The following DNMT1 variants were observed in gnomAD, a reference collection of about 807,000 sequenced individuals.
The protein encoded by DNMT1 is DNA methyltransferase 1.
Under a neutral mutation model 205.3 loss-of-function variants are expected in DNMT1, and 24 were observed. That is an observed-to-expected ratio of 0.12 (90% CI 0.08 to 0.16). DNMT1 has a LOEUF of 0.16. DNMT1 is among the 10% of genes least tolerant of loss of function. The pLI is 1.00. For synonymous variants in DNMT1, 817 were observed against 839.8 expected (o/e 0.97, Z 0.47); for missense variants, 1,293 against 2,177.7 (o/e 0.59, Z 8.09).
chr19:10,173,113 T>C lies in DNMT1; in HGVS notation c.745A>G (p.Lys249Glu), dbSNP rs528992391. The C allele has an allele frequency of 2.5e-6, 4 of 1,614,156 alleles. No individual in the cohort carries two copies. Among genetic ancestry groups the C allele is most frequent in the South Asian group, 1.1e-5 (1 of 91,084 alleles). Reference protein sequence around the residue: ...ERAKSGTRTEKEEERDEKEEK... With the variant: ...ERAKSGTRTEEEEERDEKEEK... Reference sequence around the variant, plus strand: ...ACTTTTTCATCTCTTTCTTCTTCCTTTTCAGTGCGCGTTCCTGATTTTGCT... The same window carrying C: ...ACTTTTTCATCTCTTTCTTCTTCCTCTTCAGTGCGCGTTCCTGATTTTGCT... Residue 249 changes from lysine (K) to glutamate (E), a missense_variant, in exon 9 of 41, where the codon AAG becomes GAG. Transcript: ENST00000359526.
chr19:10,178,716 T>C (rs2038982901), intron 5 of DNMT1: 1 of 152,012 alleles, frequency 6.6e-6, no homozygotes, highest in Non-Finnish European at 1.5e-5. Flanking sequence ...ATCGTGCCAC[T>C]GGGCAACAGA....
rs749045750 is a variant in DNMT1, at chr19:10,159,687, C to A, written c.1251G>T (p.Ala417=). 1.9e-6 allele frequency: 3 copies of A among 1,614,184 alleles called. No homozygotes were observed. Among genetic ancestry groups the A allele is most frequent in the East Asian group, 2.2e-5 (1 of 44,882 alleles). Residue 417 remains alanine (A), a synonymous_variant, in exon 17 of 41, where the codon GCG becomes GCT. Coordinates refer to ENST00000359526, the MANE Select transcript of DNMT1 (RefSeq NM_001130823.3). The surrounding 1 kb of genome is among the most constrained non-coding windows in gnomAD (Gnocchi z 5.0). ...ANESGFESYE[A]LPQHKLTCFS... is the part of the protein sequence containing the mutation. ...AGCAGGTCAGTTTGTGCTGGGGAAG[C>A]GCCTCATAACTCTCAAAGCCAGACT...
At chr19:10,188,974 C>A (rs1334318103) in intron 1 of DNMT1, among the ~76,000 whole-genome samples, 1 of 152,196 alleles carries the variant, frequency 6.6e-6, no homozygotes, top group Non-Finnish European at 1.5e-5. Flanking sequence ...AGGAATGCAG[C>A]CTGCTTACAC....
At position 10,151,889 on chromosome 19, in the gene DNMT1, G is replaced by A. The variant is rs370864110; in HGVS notation, c.2020-42C>T. 17 of 1,583,324 alleles carry A rather than the reference G, an allele frequency of 1.1e-5. No homozygotes were observed. The African/African-American group carries it at 2.0e-4, about 19-fold the overall frequency. ...AAAAGGCAAATCAGGGCTGGGCACA[G>A]TGGTTCATGCCTGTAATCCCAGTAT... On this transcript the variant is annotated intron_variant, in intron 22 of 40. Transcript: ENST00000359526. This position sits in a 1 kb window ranked among gnomAD's most constrained non-coding sequence, Gnocchi z 5.0.
At chr19:10,179,234 TAA>T (rs1387513564) in intron 5 of DNMT1, among the ~76,000 whole-genome samples, 2 of 150,748 alleles carry the variant, frequency 1.3e-5, no homozygotes, top group Non-Finnish European at 2.9e-5. Flanking sequence ...TTAGAAGGAG[TAA>T]GTATTTGTAG....
rs1237584485 is a variant in DNMT1 at position 10,137,732 on chromosome 19, C to CA, written c.4293+99dup. 1 of 1,478,622 alleles carries CA rather than the reference C, an allele frequency of 6.8e-7. No homozygotes were observed. The highest frequency in any genetic ancestry group is 1.4e-5 in the African/African-American group (1 of 71,754). 91.6% of individuals were successfully genotyped at this position (1,478,622 alleles called of 1,614,324 possible). On this transcript the variant is annotated intron_variant, in intron 36 of 40. Transcript: ENST00000359526. The surrounding 1 kb of genome is among the most constrained non-coding windows in gnomAD (Gnocchi z 6.4). ...GGACTCGGGAGGAGGAGCCTGGGAT[C>CA]AGATTCCATGTCTCCCCTGAGTCTT...
At chr19:10,174,255 T>G (rs1426757299) in intron 7 of DNMT1, among the ~76,000 whole-genome samples, 1 of 151,940 alleles carries the variant, frequency 6.6e-6, no homozygotes, top group Non-Finnish European at 1.5e-5. Flanking sequence ...ACCTCATCTC[T>G]ACAAAAAATA....
intron 17 of DNMT1, among the ~76,000 whole-genome samples, chr19:10,157,992 C>T (rs1001182089): frequency 1.3e-5 from 2 of 152,196 alleles, no homozygotes; most frequent in African/African-American, 2.4e-5. Context: ...GTATGGAGAG[C>T]CCCTAAATAA....
chr19:10,150,550 G>A (rs1420664810), intron 24 of DNMT1, among the ~76,000 whole-genome samples: 1 of 152,242 alleles, frequency 6.6e-6, no homozygotes, highest in African/African-American at 2.4e-5. Context: ...CTGTCCTCCT[G>A]CAGGGGCTCA....
At chr19:10,187,363 G>T (rs1179484072) in intron 1 of DNMT1, among the ~76,000 whole-genome samples, 1 of 152,138 alleles carries the variant, frequency 6.6e-6, no homozygotes, top group Admixed American at 6.6e-5. Context: ...CTACACTCGG[G>T]AAGCCAGGAC....
Position 10,157,555 on chromosome 19 carries a change from G to A in DNMT1, c.1281-1046C>T, listed in dbSNP as rs1483355218. On this transcript the variant is annotated intron_variant, in intron 17 of 40. Coordinates refer to ENST00000359526, the MANE Select transcript of DNMT1 (RefSeq NM_001130823.3). ...ATCTAGACAAGGACCACCCTTTCCC[G>A]GCCAAAGATGCTGGGCTATCCTCAG... is the stretch of plus-strand genomic sequence containing the variant. Among the ~76,000 whole-genome samples, 8 of 152,248 alleles carry A rather than the reference G, an allele frequency of 5.3e-5. No homozygotes were observed. The East Asian group carries it at 1.5e-3, about 29-fold the overall frequency.
At position 10,154,377 on chromosome 19, in the gene DNMT1, A is replaced by G. The variant is rs749498068; in HGVS notation, c.1935T>C (p.Asp645=). The G allele has an allele frequency of 4.3e-6, 7 of 1,614,240 alleles. No homozygotes were observed. Among genetic ancestry groups the G allele is most frequent in the Admixed American group, 3.3e-5 (2 of 60,026 alleles). ...TTTCAATTTGCTCTGCGAAGAAAGT[A>G]TCGAAGATCTGGTAGACCAGCTTGG... is the stretch of plus-strand genomic sequence containing the variant. The part of the protein sequence containing the change: ...TTTKLVYQIF[D]TFFAEQIEKD... The change falls in exon 22 of 41, where the codon GAT becomes GAC. Residue 645 remains aspartate, a synonymous_variant. Coordinates refer to ENST00000359526, the MANE Select transcript of DNMT1 (RefSeq NM_001130823.3). The surrounding 1 kb of genome is among the most constrained non-coding windows in gnomAD (Gnocchi z 6.3).
intron 12 of DNMT1, among the ~76,000 whole-genome samples, 154 bp downstream of exon 12, chr19:10,163,172 G>C (rs543448992): frequency 6.6e-6 from 1 of 151,832 alleles, no homozygotes; most frequent in African/African-American, 2.4e-5. Flanking sequence ...ATGTTGGCCA[G>C]GCTAGGCTGG....
chr19:10,160,209 G>T, intron 14 of DNMT1, 146 bp from the exon 15 acceptor site: 1 of 1,521,242 alleles, frequency 6.6e-7, no homozygotes, highest in Non-Finnish European at 8.9e-7. Flanking sequence ...TGGTCACAGT[G>T]GCTCTTCACC....
chr19:10,145,376 C>T (rs575315876), intron 28 of DNMT1, among the ~76,000 whole-genome samples: 1 of 152,310 alleles, frequency 6.6e-6, no homozygotes, highest in South Asian at 2.1e-4. Flanking sequence ...TGGAGGGAAC[C>T]TGCTTCTCCA....
intron 1 of DNMT1, among the ~76,000 whole-genome samples, chr19:10,184,857 A>G (rs1366341604): frequency 1.3e-5 from 2 of 152,182 alleles, no homozygotes; most frequent in Non-Finnish European, 2.9e-5. Flanking sequence ...ACCCGCACAG[A>G]CAGGTGCTCA....
intron 26 of DNMT1, 144 bp from the exon 27 acceptor site, chr19:10,149,161 T>TA: frequency 6.5e-6 from 8 of 1,224,610 alleles, no homozygotes; most frequent in Middle Eastern, 5.4e-4. Context: ...CCGTCTCTAC[T>TA]AAAAATACAA....
At chr19:10,191,293 A>AAAAAAATC (rs1219535691) in intron 1 of DNMT1, among the ~76,000 whole-genome samples, 1 of 151,950 alleles carries the variant, frequency 6.6e-6, no homozygotes, top group African/African-American at 2.4e-5. Flanking sequence ...TTAAAAAAAA[A>AAAAAAATC]AAAAAATCTA....
chr19:10,161,252 C>G (rs907822433), intron 13 of DNMT1, among the ~76,000 whole-genome samples: 10 of 152,100 alleles, frequency 6.6e-5, no homozygotes, highest in African/African-American at 2.4e-4. Context: ...TTGCAGTGAG[C>G]CGATGTCGCA....
Sources: gnomAD v4.1 joint callset for allele counts (sites outside exome capture counted in the v4.1 genomes callset) on GRCh38, gnomAD v4.1.1 for gene constraint, Gnocchi (gnomAD v3.1) non-coding constraint, MANE v1.5 for transcripts, NCBI Gene and HGNC (gene_info 2026-07-23, HGNC 2026-07-21) for gene names.